CADM2: variants seen among roughly 807,000 people sequenced by gnomAD.
The protein encoded by CADM2 is immunoglobulin superfamily member 4D.
In CADM2, 12 loss-of-function variants were observed where a neutral mutation model predicts 49.8. That is an observed-to-expected ratio of 0.24 (90% confidence interval 0.15 to 0.39). The LOEUF (loss-of-function observed/expected upper bound fraction) is 0.39. Ranked by LOEUF, CADM2 falls within the 10% of genes least tolerant of loss-of-function variation. The pLI is 1.00. For synonymous variants in CADM2, 214 were observed against 175.4 expected (o/e 1.22, Z -1.74); for missense variants, 378 against 492.3 (o/e 0.77, Z 2.20).
chr3:85,847,907 T>G (rs1311976021), intron 3 of CADM2, among the ~76,000 whole-genome samples: 3 of 152,198 alleles, frequency 2.0e-5, no homozygotes, highest in Non-Finnish European at 4.4e-5. Flanking sequence ...AGCCACCTAT[T>G]TTTTTCTAGT....
At chr3:85,873,213 T>C (rs898775027) in intron 3 of CADM2, among the ~76,000 whole-genome samples, 6 of 152,180 alleles carry the variant, frequency 3.9e-5, no homozygotes, top group African/African-American at 1.4e-4. Flanking sequence ...ATGTGAGCTT[T>C]GGAGGAGACA....
At chr3:85,095,951 C>T (rs983482701) in intron 1 of CADM2, among the ~76,000 whole-genome samples, 3 of 151,886 alleles carry the variant, frequency 2.0e-5, no homozygotes, top group African/African-American at 7.3e-5. Context: ...GATGGATGCT[C>T]GCTGAAGGAC....
chr3:86,049,798 G>A (rs967916167), intron 8 of CADM2, among the ~76,000 whole-genome samples: 2 of 152,112 alleles, frequency 1.3e-5, no homozygotes, highest in South Asian at 4.1e-4. Flanking sequence ...CACCAACGGG[G>A]CGGTGCCAAA....
At chr3:85,447,911 A>T (rs1435765258) in intron 1 of CADM2, among the ~76,000 whole-genome samples, 1 of 152,186 alleles carries the variant, frequency 6.6e-6, no homozygotes. Context: ...GTCTTTGGCT[A>T]AGACAAAGCA....
intron 3 of CADM2, among the ~76,000 whole-genome samples, chr3:85,802,914 C>G (rs1349629269): frequency 6.6e-6 from 1 of 151,748 alleles, no homozygotes; most frequent in East Asian, 1.9e-4. Flanking sequence ...GAGACTGTTG[C>G]TTAAGATACA....
chr3:85,291,666 G>C (rs1227692429), intron 1 of CADM2, among the ~76,000 whole-genome samples: 1 of 147,056 alleles, frequency 6.8e-6, no homozygotes, highest in Non-Finnish European at 1.5e-5. Flanking sequence ...TTTCAACCCA[G>C]AATTTCATAT....
intron 2 of CADM2, among the ~76,000 whole-genome samples, chr3:85,747,979 C>T (rs888067608): frequency 5.3e-5 from 8 of 152,014 alleles, no homozygotes; most frequent in Non-Finnish European, 8.8e-5. Flanking sequence ...AAGGAGTTTC[C>T]TCTATAAGCT....
intron 2 of CADM2, among the ~76,000 whole-genome samples, chr3:85,798,399 A>G (rs933418929): frequency 6.6e-6 from 1 of 152,118 alleles, no homozygotes; most frequent in East Asian, 1.9e-4. Flanking sequence ...TTACGGTTTC[A>G]GATCTTAATG....
chr3:85,266,452 A>T (rs1377925729), intron 1 of CADM2, among the ~76,000 whole-genome samples: 2 of 151,824 alleles, frequency 1.3e-5, no homozygotes, highest in African/African-American at 4.8e-5. Context: ...GGTTGTTTTT[A>T]TAATAATTAG....
At chr3:85,024,740 A>G (rs1576058981) in intron 1 of CADM2, among the ~76,000 whole-genome samples, 1 of 151,946 alleles carries the variant, frequency 6.6e-6, no homozygotes, top group East Asian at 1.9e-4. Flanking sequence ...TTAAAAAACT[A>G]AATTCTTGAA....
chr3:85,365,194 T>TTTA (rs1216519922), intron 1 of CADM2, among the ~76,000 whole-genome samples: 7 of 92,428 alleles, frequency 7.6e-5, no homozygotes, highest in African/African-American at 1.9e-4. Flanking sequence ...TTTTTTTTTT[T>TTTA]TTTACTTTTT....
chr3:85,774,930 G>A (rs544482712), intron 2 of CADM2, among the ~76,000 whole-genome samples: 1 of 151,526 alleles, frequency 6.6e-6, no homozygotes, highest in Non-Finnish European at 1.5e-5. Context: ...TTAAATCATT[G>A]CTAGTCAGTT....
chr3:85,279,584 A>G (rs913952795), intron 1 of CADM2, among the ~76,000 whole-genome samples: 9 of 151,494 alleles, frequency 5.9e-5, no homozygotes, highest in African/African-American at 2.2e-4. Flanking sequence ...AGCTTTTTAT[A>G]CAGAAGATAT....
chr3:85,763,958 A>G lies in CADM2; in HGVS notation c.88+37410A>G, dbSNP rs141148618. ...AGCATTCTCTGCCTTGGCTTACAAG[A>G]ACTTTGTCTTCTTTCATTACACTTT... is the stretch of plus-strand genomic sequence containing the variant. On this transcript the variant is annotated intron_variant, in intron 2 of 9. Coordinates refer to ENST00000383699, the MANE Select transcript of CADM2 (RefSeq NM_001167675.2). Among the ~76,000 whole-genome samples, 111 of 152,220 alleles carry G rather than the reference A, an allele frequency of 7.3e-4. 1 individual carries two copies. Among genetic ancestry groups the G allele is most frequent in the African/African-American group, 2.5e-3 (104 of 41,552 alleles).
chr3:85,232,103 C>CT (rs376274027), intron 1 of CADM2, among the ~76,000 whole-genome samples: 10 of 149,916 alleles, frequency 6.7e-5, no homozygotes, highest in African/African-American at 2.2e-4. Flanking sequence ...TCCTTGGCCC[C>CT]TTTTTTTGTG....
intron 3 of CADM2, among the ~76,000 whole-genome samples, chr3:85,848,984 C>T (rs75321256): frequency 0.044 from 6,633 of 152,094 alleles, 460 homozygotes; most frequent in African/African-American, 0.15. Flanking sequence ...GACATGAATC[C>T]GGGCAGTCTA....
chr3:85,483,719 G>T (rs1330317698), intron 1 of CADM2, among the ~76,000 whole-genome samples: 1 of 150,484 alleles, frequency 6.6e-6, no homozygotes. Flanking sequence ...GTATATAATA[G>T]AATAAAATAT....
rs1479135528 is a variant in CADM2, at chr3:85,709,746, A to C, written c.62-16776A>C. On this transcript the variant is annotated intron_variant, in intron 1 of 9. Coordinates refer to ENST00000383699, the MANE Select transcript of CADM2 (RefSeq NM_001167675.2). ...CTATCATGACTGATGGAGGCTTTTG[A>C]TCACAGTTCTACAAACTGAAACCTT... Among the ~76,000 whole-genome samples, 2 of 152,166 alleles carry C rather than the reference A, an allele frequency of 1.3e-5. 1 individual carries two copies. The highest frequency in any genetic ancestry group is 2.9e-5 in the Non-Finnish European group (2 of 68,002).
At chr3:85,883,123 A>T (rs1318239345) in intron 3 of CADM2, among the ~76,000 whole-genome samples, 168 bp from the exon 4 acceptor site, 1 of 152,240 alleles carries the variant, frequency 6.6e-6, no homozygotes, top group Admixed American at 6.5e-5. Context: ...TAAAAATCTG[A>T]TAAAATATTT....
Sources: allele counts gnomAD v4.1 joint callset (sites outside exome capture counted in the v4.1 genomes callset), GRCh38; gene constraint gnomAD v4.1.1; transcripts MANE v1.5; gene names NCBI Gene and HGNC (gene_info 2026-07-23, HGNC 2026-07-21).